CCDC62: variants seen among roughly 807,000 people sequenced by gnomAD.
CCDC62 encodes coiled-coil domain containing 62.
In CCDC62, 72 loss-of-function variants were observed where a neutral mutation model predicts 80.8. The ratio of observed to expected loss-of-function variants is 0.89; its 90% CI spans 0.74 to 1.08. The LOEUF (loss-of-function observed/expected upper bound fraction) is 1.08, where lower values mean the gene tolerates loss of function less well. Among genes scored for constraint, CCDC62 ranks in the 50% least tolerant of loss-of-function variants. The pLI, the probability that CCDC62 is intolerant of heterozygous loss-of-function variation, is 0.00. For missense variants in CCDC62, 704 were observed against 809.4 expected, an observed-to-expected ratio of 0.87 and a Z score of 1.58; for synonymous variants, 286 against 296.5, an observed-to-expected ratio of 0.96 and a Z score of 0.36.
At chr12:122,795,308 C>T (rs868264063) in intron 6 of CCDC62, among the ~76,000 whole-genome samples, 6 of 152,288 alleles carry the variant, frequency 3.9e-5, no homozygotes, top group African/African-American at 9.6e-5. Context: ...GCCTCGGCCT[C>T]CCAAAGTGTT....
At position 122,785,778 on chromosome 12, in the gene CCDC62, A is replaced by G. The variant is rs1358721611; in HGVS notation, c.456A>G (p.Leu152=). 6.2e-7 allele frequency: 1 copy of G among 1,613,798 alleles called. No individual in the cohort carries two copies. The highest frequency in any genetic ancestry group is 1.3e-5 in the African/African-American group (1 of 74,952). The part of the protein sequence containing the change: ...LVELSAQVGQ[L]QAREQALTTM... Reference sequence around the variant, plus strand: ...AACTTTCTGCCCAGGTAGGACAGCTACAAGCTCGAGAACAAGCTCTTACGA... The same window carrying G: ...AACTTTCTGCCCAGGTAGGACAGCTGCAAGCTCGAGAACAAGCTCTTACGA... Residue 152 remains leucine (L), a synonymous_variant, in exon 4 of 13, where the codon CTA becomes CTG. Transcript: ENST00000253079.
intron 8 of CCDC62, among the ~76,000 whole-genome samples, chr12:122,798,934 G>A (rs2031128175): frequency 6.6e-6 from 1 of 151,944 alleles, no homozygotes; most frequent in African/African-American, 2.4e-5. Flanking sequence ...AAAAAAATTA[G>A]CCAGGCATGG....
chr12:122,800,936 T>C (rs1214284515), intron 8 of CCDC62, among the ~76,000 whole-genome samples, 188 bp from the exon 9 acceptor site: 1 of 152,100 alleles, frequency 6.6e-6, no homozygotes, highest in Non-Finnish European at 1.5e-5. Flanking sequence ...AAGAGGAGGA[T>C]GGAAAAGGGA....
At chr12:122,787,352 G>A (rs2030318788) in intron 4 of CCDC62, among the ~76,000 whole-genome samples, 1 of 152,052 alleles carries the variant, frequency 6.6e-6, no homozygotes, top group Non-Finnish European at 1.5e-5. Context: ...TCTGGAGGCT[G>A]GGGTGGGAGG....
intron 1 of CCDC62, chr12:122,777,282 C>T: frequency 2.0e-6 from 1 of 498,262 alleles, no homozygotes; most frequent in South Asian, 2.6e-5. Context: ...TATGGCATGA[C>T]AGAAAATTGT....
intron 5 of CCDC62, among the ~76,000 whole-genome samples, chr12:122,791,140 A>ATTTG (rs539091605): frequency 1.7e-3 from 257 of 151,842 alleles, no homozygotes; most frequent in African/African-American, 6.0e-3. Context: ...TTTTAGTTTT[A>ATTTG]TTTATTTATT....
intron 5 of CCDC62, among the ~76,000 whole-genome samples, chr12:122,790,235 G>A (rs1173939201): frequency 6.6e-6 from 1 of 152,060 alleles, no homozygotes; most frequent in Non-Finnish European, 1.5e-5. Flanking sequence ...ATTTTTAGTA[G>A]AGACAGGGTT....
rs1319485614 is a variant in CCDC62, at chr12:122,823,487, A to G, written c.*40+28A>G. ...AAGTCACCTTTGCTTATCTCACCTT[A>G]TATCTCAATTAATATTTAATAAGTA... On this transcript the variant is annotated intron_variant, in intron 12 of 12. Transcript: ENST00000253079. The G allele has an allele frequency of 2.9e-6, 3 of 1,037,176 alleles. No homozygotes were observed. In the African/African-American group the frequency reaches 4.8e-5, roughly 16 times the overall value. The allele number at this position is 1,037,176 out of a possible 1,614,324, so 64.2% of individuals were successfully genotyped here. A position where few individuals can be genotyped will look rare whatever the true frequency, so the allele number is the denominator to read the frequency against.
At chr12:122,818,471 A>AGAGAG (rs2135591312) in intron 11 of CCDC62, among the ~76,000 whole-genome samples, 1 of 151,478 alleles carries the variant, frequency 6.6e-6, no homozygotes, top group African/African-American at 2.4e-5. Flanking sequence ...AAAAAAAAAA[A>AGAGAG]AAATTAACTG....
At chr12:122,821,632 A>AT (rs2032407284) in intron 11 of CCDC62, among the ~76,000 whole-genome samples, 1 of 151,378 alleles carries the variant, frequency 6.6e-6, no homozygotes, top group African/African-American at 2.4e-5. Flanking sequence ...TTTTAAGTGT[A>AT]TTTTTTGTCT....
At chr12:122,776,241 G>A (rs1168424132) in intron 1 of CCDC62, among the ~76,000 whole-genome samples, 1 of 152,202 alleles carries the variant, frequency 6.6e-6, no homozygotes, top group African/African-American at 2.4e-5. Context: ...GCTTAGAGAA[G>A]TTAAGTAACT....
At chr12:122,789,314 C>G (rs927739537) in intron 5 of CCDC62, among the ~76,000 whole-genome samples, 6 of 152,226 alleles carry the variant, frequency 3.9e-5, no homozygotes, top group African/African-American at 1.4e-4. Context: ...CCTCACTGAG[C>G]TTCCCATCTG....
chr12:122,807,270 G>A (rs2031659018), intron 10 of CCDC62, among the ~76,000 whole-genome samples: 1 of 151,974 alleles, frequency 6.6e-6, no homozygotes. Context: ...AGTGGCTCAC[G>A]CCTGTAATCC....
rs2031280084 is a variant in CCDC62 at position 122,801,172 on chromosome 12, T to C, written c.1026T>C (p.Asp342=). ...SDLENNHPKV[D]IKREKNQKSL... is the part of the protein sequence containing the mutation. Reference sequence around the variant, plus strand: ...TTGAAAATAACCACCCAAAAGTCGATATTAAGAGGGAAAAAAATCAGAAGT... The same window carrying C: ...TTGAAAATAACCACCCAAAAGTCGACATTAAGAGGGAAAAAAATCAGAAGT... Residue 342 remains aspartate (D), a synonymous_variant, in exon 9 of 13, where the codon GAT becomes GAC. Coordinates refer to ENST00000253079, the MANE Select transcript of CCDC62 (RefSeq NM_201435.5). The C allele has an allele frequency of 1.9e-6, 3 of 1,613,682 alleles. No homozygotes were observed. Among genetic ancestry groups the C allele is most frequent in the Non-Finnish European group, 2.5e-6 (3 of 1,179,906 alleles).
Position 122,822,250 on chromosome 12 carries a change from C to T in CCDC62, c.2002-1116C>T, listed in dbSNP as rs373250786. Among the ~76,000 whole-genome samples, 16 of 152,014 alleles carry T rather than the reference C, an allele frequency of 1.1e-4. 1 individual carries two copies. The highest frequency in any genetic ancestry group is 9.7e-4 in the East Asian group (5 of 5,162). ...CCTCCCAAGTCGCTGGGACTACAGGCGCGTGCCACCACGCCCAGCTAATTT... is the reference window on the plus strand; with the variant it reads ...CCTCCCAAGTCGCTGGGACTACAGGTGCGTGCCACCACGCCCAGCTAATTT... On this transcript the variant is annotated intron_variant, in intron 11 of 12. Coordinates refer to ENST00000253079, the MANE Select transcript of CCDC62 (RefSeq NM_201435.5).
At chr12:122,820,673 C>G (rs182951162) in intron 11 of CCDC62, among the ~76,000 whole-genome samples, 32 of 151,866 alleles carry the variant, frequency 2.1e-4, no homozygotes, top group African/African-American at 7.2e-4. Context: ...GTAAAACCCC[C>G]TCTCTACTAA....
chr12:122,788,769 T>C lies in CCDC62; in HGVS notation c.510T>C (p.Ile170=), dbSNP rs761829970. The change falls in exon 5 of 13, where the codon ATT becomes ATC. Residue 170 remains isoleucine (I), a synonymous_variant. Coordinates refer to ENST00000253079, the MANE Select transcript of CCDC62 (RefSeq NM_201435.5). The part of the protein sequence containing the change: ...TTMIKLKDKD[I]IEAVNHIADC... ...AATTTGGTTTTTAGGACAAAGATATTATTGAGGCAGTTAATCACATTGCAG... is the reference window on the plus strand; with the variant it reads ...AATTTGGTTTTTAGGACAAAGATATCATTGAGGCAGTTAATCACATTGCAG... The C allele has an allele frequency of 1.3e-6, 2 of 1,564,096 alleles. No homozygotes were observed. Among genetic ancestry groups the C allele is most frequent in the Non-Finnish European group, 1.7e-6 (2 of 1,162,208 alleles).
In CCDC62 at chr12:122,781,297, A is replaced by G; in HGVS notation, c.363A>G (p.Ala121=). Reference sequence around the variant, plus strand: ...AGCTTCAGGAAATGGCTCAAAAGGCAACGCATTCTTCTCTTCTCTCTGAAG... The same window carrying G: ...AGCTTCAGGAAATGGCTCAAAAGGCGACGCATTCTTCTCTTCTCTCTGAAG... ...QLQLQEMAQK[A]THSSLLSEDL... Residue 121 remains alanine (A), a synonymous_variant, in exon 3 of 13, where the codon GCA becomes GCG. Transcript: ENST00000253079. 1 of 1,614,162 alleles carries G rather than the reference A, an allele frequency of 6.2e-7. No individual in the cohort carries two copies. Among genetic ancestry groups the G allele is most frequent in the Non-Finnish European group, 8.5e-7 (1 of 1,180,000 alleles).
intron 4 of CCDC62, among the ~76,000 whole-genome samples, chr12:122,786,418 G>GA: frequency 6.6e-6 from 1 of 151,814 alleles, no homozygotes; most frequent in Middle Eastern, 3.4e-3. Context: ...AAAGTGCTGG[G>GA]ATTACAGGCG....
Sources: allele counts gnomAD v4.1 joint callset (sites outside exome capture counted in the v4.1 genomes callset), GRCh38; gene constraint gnomAD v4.1.1; transcripts MANE v1.5; gene names NCBI Gene and HGNC (gene_info 2026-07-23, HGNC 2026-07-21).